The following TENM4 variants were observed in gnomAD, a reference collection of about 807,000 sequenced individuals.
The protein encoded by TENM4 is teneurin transmembrane protein 4.
TENM4 carries 82 observed loss-of-function variants against 243.3 expected under a neutral mutation model. That is an observed-to-expected ratio of 0.34 (90% CI 0.28 to 0.40). The LOEUF (loss-of-function observed/expected upper bound fraction) is 0.40. TENM4 is among the 10% of genes least tolerant of loss of function. TENM4 has a pLI of 1.00. For missense variants in TENM4, 3,138 were observed against 3,673.3 expected (o/e 0.85, Z 3.77); for synonymous variants, 1,412 against 1,456.3 (o/e 0.97, Z 0.69).
intron 1 of TENM4, among the ~76,000 whole-genome samples, chr11:79,371,960 G>A (rs774628765): frequency 6.6e-6 from 1 of 152,154 alleles, no homozygotes; most frequent in Admixed American, 6.5e-5. Flanking sequence ...TGGCAGCTGC[G>A]ATGAACTGAG....
chr11:78,760,081 T>C (rs1339950824), intron 18 of TENM4, among the ~76,000 whole-genome samples: 2 of 152,202 alleles, frequency 1.3e-5, no homozygotes, highest in Non-Finnish European at 2.9e-5. Flanking sequence ...CTGACCCCCA[T>C]ACTCTGCAAC....
intron 4 of TENM4, among the ~76,000 whole-genome samples, chr11:79,083,609 T>G (rs60077309): frequency 0.27 from 41,444 of 151,998 alleles, 5,751 homozygotes; most frequent in East Asian, 0.42. Flanking sequence ...TTCTCTAAAC[T>G]TGGCCTTGGA....
At chr11:78,716,415 G>T (rs1047718626) in intron 25 of TENM4, among the ~76,000 whole-genome samples, 1 of 152,164 alleles carries the variant, frequency 6.6e-6, no homozygotes. Flanking sequence ...CTGTTTAATT[G>T]TCTGTCTTTT....
intron 6 of TENM4, among the ~76,000 whole-genome samples, chr11:78,973,480 G>C (rs79755009): frequency 0.036 from 5,413 of 152,126 alleles, 126 homozygotes; most frequent in African/African-American, 0.063. Flanking sequence ...ATCTTCTTTG[G>C]AGAAATGTCT....
chr11:79,201,309 C>G (rs1445310259), intron 3 of TENM4, among the ~76,000 whole-genome samples: 2 of 152,160 alleles, frequency 1.3e-5, no homozygotes, highest in African/African-American at 4.8e-5. Context: ...ACCTGCCTTG[C>G]TTTCCTCATG....
intron 6 of TENM4, among the ~76,000 whole-genome samples, chr11:78,999,849 T>C (rs1384120042): frequency 6.6e-6 from 1 of 152,132 alleles, no homozygotes; most frequent in Non-Finnish European, 1.5e-5. Context: ...CAGAGGAAAT[T>C]ATTTGAAGAA....
intron 1 of TENM4, among the ~76,000 whole-genome samples, chr11:79,386,333 T>A (rs1010656231): frequency 6.6e-6 from 1 of 152,232 alleles, no homozygotes; most frequent in South Asian, 2.1e-4. Context: ...ATGTAGAATG[T>A]CTTCTTGACC....
At chr11:78,704,907 T>C (rs963707492) in intron 27 of TENM4, among the ~76,000 whole-genome samples, 23 of 152,330 alleles carry the variant, frequency 1.5e-4, no homozygotes, top group African/African-American at 5.5e-4. Context: ...TTCTCAGTTC[T>C]TTAGAGCATG....
chr11:79,229,144 G>A (rs1337733060), intron 2 of TENM4, among the ~76,000 whole-genome samples: 3 of 152,176 alleles, frequency 2.0e-5, no homozygotes, highest in Non-Finnish European at 4.4e-5. Context: ...CTATTGGGAT[G>A]AACTGTCCCT....
At chr11:79,355,494 C>T (rs1317967258) in intron 1 of TENM4, among the ~76,000 whole-genome samples, 2 of 152,166 alleles carry the variant, frequency 1.3e-5, no homozygotes, top group East Asian at 1.9e-4. Flanking sequence ...GATCACGCCA[C>T]TACACTCCAG....
intron 19 of TENM4, among the ~76,000 whole-genome samples, chr11:78,755,070 C>A (rs2135949547): frequency 6.6e-6 from 1 of 152,332 alleles, no homozygotes; most frequent in East Asian, 1.9e-4. Flanking sequence ...TCCCTTGTCA[C>A]CCTCTGGGGA....
chr11:79,173,116 A>C (rs1863083676), intron 3 of TENM4, among the ~76,000 whole-genome samples: 2 of 152,256 alleles, frequency 1.3e-5, no homozygotes, highest in African/African-American at 4.8e-5. Context: ...AACTTTGTTC[A>C]ATAAGTATTT....
chr11:79,128,114 C>T (rs1019484339), intron 4 of TENM4, among the ~76,000 whole-genome samples: 8 of 152,192 alleles, frequency 5.3e-5, no homozygotes, highest in Non-Finnish European at 1.2e-4. Flanking sequence ...TCCAATGGTG[C>T]TTGAGGTGTC....
intron 18 of TENM4, among the ~76,000 whole-genome samples, chr11:78,764,402 T>C (rs1185750923): frequency 6.6e-6 from 1 of 152,262 alleles, no homozygotes; most frequent in African/African-American, 2.4e-5. Flanking sequence ...ATTTTCTGGC[T>C]TCCAAGCCCT....
At chr11:78,763,030 T>C (rs1391151388) in intron 18 of TENM4, among the ~76,000 whole-genome samples, 1 of 152,140 alleles carries the variant, frequency 6.6e-6, no homozygotes, top group Non-Finnish European at 1.5e-5. Context: ...CTTAATTATA[T>C]ATCATACGTA....
intron 1 of TENM4, among the ~76,000 whole-genome samples, chr11:79,374,552 C>CTATGTATAGA (rs1857852164): frequency 6.6e-6 from 1 of 150,834 alleles, no homozygotes; most frequent in African/African-American, 2.4e-5. Context: ...ATCTATATAT[C>CTATGTATAGA]TATATAGATA....
chr11:79,375,171 T>C (rs1857867504), intron 1 of TENM4, among the ~76,000 whole-genome samples: 1 of 152,226 alleles, frequency 6.6e-6, no homozygotes, highest in African/African-American at 2.4e-5. Flanking sequence ...CTCCAATTCA[T>C]TCCTAGTGAG....
chr11:79,075,149 C>T (rs1016839172), intron 4 of TENM4, among the ~76,000 whole-genome samples: 4 of 152,236 alleles, frequency 2.6e-5, no homozygotes, highest in Admixed American at 1.3e-4. Flanking sequence ...GGCCAGGCAC[C>T]GGTCAAGTGC....
intron 9 of TENM4, among the ~76,000 whole-genome samples, chr11:78,875,349 G>A (rs1032918159): frequency 5.3e-5 from 8 of 152,018 alleles, no homozygotes; most frequent in South Asian, 2.1e-4. Flanking sequence ...GATTACATGC[G>A]TGCACCACCA....
Sources: gnomAD v4.1 joint callset for allele counts (sites outside exome capture counted in the v4.1 genomes callset) on GRCh38, gnomAD v4.1.1 for gene constraint, MANE v1.5 for transcripts, NCBI Gene and HGNC (gene_info 2026-07-23, HGNC 2026-07-21) for gene names.